MAML3: variants seen among roughly 807,000 people sequenced by gnomAD.
The protein encoded by MAML3 is mastermind like transcriptional coactivator 3.
A neutral mutation model predicts 101.9 loss-of-function variants in MAML3; 27 were observed. The ratio of observed to expected loss-of-function variants is 0.27; its 90% CI spans 0.20 to 0.37. The LOEUF (loss-of-function observed/expected upper bound fraction) is 0.37, where lower values mean the gene tolerates loss of function less well. MAML3 is among the 10% of genes least tolerant of loss of function. The pLI is 1.00. For synonymous variants in MAML3, 501 were observed against 555.9 expected (o/e 0.90, Z 1.39); for missense variants, 1,316 against 1,444.9 (o/e 0.91, Z 1.45).
intron 2 of MAML3, among the ~76,000 whole-genome samples, chr4:139,823,949 C>T (rs1196228208): frequency 6.6e-6 from 1 of 152,032 alleles, no homozygotes; most frequent in Admixed American, 6.6e-5. Flanking sequence ...GAAATATTTA[C>T]CCTCACCCCA....
chr4:140,075,649 A>T (rs1253978767), intron 1 of MAML3, among the ~76,000 whole-genome samples: 1 of 151,664 alleles, frequency 6.6e-6, no homozygotes, highest in Non-Finnish European at 1.5e-5. Context: ...CAATCCTCCC[A>T]CCTCAGCCTC....
intron 1 of MAML3, among the ~76,000 whole-genome samples, chr4:139,936,837 A>G (rs1327020596): frequency 6.6e-6 from 1 of 152,208 alleles, no homozygotes; most frequent in Admixed American, 6.5e-5. Flanking sequence ...CCCCCCTGAA[A>G]GAAAGTCCTA....
chr4:140,038,122 G>T (rs1727019203), intron 1 of MAML3, among the ~76,000 whole-genome samples: 1 of 152,212 alleles, frequency 6.6e-6, no homozygotes, highest in South Asian at 2.1e-4. Context: ...TTCTACATGG[G>T]TGAAGAAGAG....
At chr4:140,152,807 CA>C in intron 1 of MAML3, 52 bp downstream of exon 1, 7 of 1,569,958 alleles carry the variant, frequency 4.5e-6, no homozygotes, top group South Asian at 1.2e-5. Flanking sequence ...CGCCCCCCAC[CA>C]CCACCACCAC....
intron 1 of MAML3, among the ~76,000 whole-genome samples, chr4:139,986,776 C>G (rs1734547464): frequency 6.6e-6 from 1 of 152,132 alleles, no homozygotes; most frequent in Non-Finnish European, 1.5e-5. Flanking sequence ...CTGGTTAACG[C>G]AGGAAACACA....
chr4:139,890,780 T>G lies in MAML3; in HGVS notation c.656A>C (p.His219Pro), dbSNP rs201871270. ...CAAAGAAGGTTTCAGGTCAAGTTGG[T>G]GAAGAGGAGAAGCTGAAGGCAGTGG... ...NMPLPSASPL[H>P]QLDLKPSLPL... Residue 219 changes from histidine (H) to proline (P), a missense_variant, in exon 2 of 5, where the codon CAC (histidine) becomes CCC (proline). His to Pro is a moderately conservative substitution (Grantham distance 77, BLOSUM62 -2). Coordinates refer to ENST00000509479, the MANE Select transcript of MAML3 (RefSeq NM_018717.5). The surrounding 1 kb of genome is among the most constrained non-coding windows in gnomAD (Gnocchi z 4.1). 60 of 1,613,850 alleles carry G rather than the reference T, an allele frequency of 3.7e-5. No individual in the cohort carries two copies. Among genetic ancestry groups the G allele is most frequent in the Non-Finnish European group, 4.2e-5 (50 of 1,179,886 alleles).
intron 2 of MAML3, among the ~76,000 whole-genome samples, chr4:139,766,994 C>T (rs527743892): frequency 6.7e-6 from 1 of 150,310 alleles, no homozygotes; most frequent in Admixed American, 6.6e-5. Context: ...ACAAAAATAC[C>T]TTATCTACAC....
In MAML3 at chr4:139,964,590, C is replaced by A. The variant is rs184758927; in HGVS notation, c.469-73623G>T. 5.6e-3 allele frequency among the ~76,000 whole-genome samples: 846 copies of A among 152,116 alleles called. 6 individuals are homozygous for A. The highest frequency in any genetic ancestry group is 0.017 in the African/African-American group (706 of 41,492). ...AAAGAAAAACAAAAATTAAAAAAAA[C>A]CATATTTTTTACAATTTGTGGTAAC... On this transcript the variant is annotated intron_variant, in intron 1 of 4. Transcript: ENST00000509479.
intron 1 of MAML3, among the ~76,000 whole-genome samples, chr4:140,140,984 T>C (rs1419065324): frequency 2.6e-5 from 4 of 152,148 alleles, no homozygotes; most frequent in Non-Finnish European, 5.9e-5. Flanking sequence ...GAAAGTCAAA[T>C]AGATGAGAAC....
At chr4:140,095,415 C>T (rs1483466868) in intron 1 of MAML3, among the ~76,000 whole-genome samples, 1 of 152,142 alleles carries the variant, frequency 6.6e-6, no homozygotes, top group Non-Finnish European at 1.5e-5. Context: ...ACTTGACCCC[C>T]AATTGGCAAC....
At chr4:139,892,568 T>C (rs1050655895) in intron 1 of MAML3, among the ~76,000 whole-genome samples, 24 of 149,242 alleles carry the variant, frequency 1.6e-4, no homozygotes, top group Non-Finnish European at 3.1e-4. Context: ...TGTTTTGTGT[T>C]CCCTGAATCT....
intron 1 of MAML3, among the ~76,000 whole-genome samples, chr4:140,129,694 C>T (rs1172693229): frequency 1.3e-5 from 2 of 152,108 alleles, no homozygotes; most frequent in East Asian, 1.9e-4. Flanking sequence ...CGGCCGGGCG[C>T]GGTGGCTCAT....
chr4:139,734,279 A>G (rs1320982276), intron 2 of MAML3, among the ~76,000 whole-genome samples: 1 of 152,222 alleles, frequency 6.6e-6, no homozygotes, highest in Non-Finnish European at 1.5e-5. Context: ...AAGGACACAC[A>G]CTGTGTTGTG....
At chr4:139,871,075 G>T (rs925099727) in intron 2 of MAML3, among the ~76,000 whole-genome samples, 4 of 152,034 alleles carry the variant, frequency 2.6e-5, no homozygotes, top group Admixed American at 2.0e-4. Flanking sequence ...TTTCTTGTGT[G>T]CTTATCATTT....
At chr4:139,861,061 T>C (rs1339233736) in intron 2 of MAML3, among the ~76,000 whole-genome samples, 1 of 152,110 alleles carries the variant, frequency 6.6e-6, no homozygotes, top group Non-Finnish European at 1.5e-5. Flanking sequence ...TACTAAAAGA[T>C]GAGACCTTCC....
chr4:139,748,355 C>T (rs1729391417), intron 2 of MAML3, among the ~76,000 whole-genome samples: 1 of 152,118 alleles, frequency 6.6e-6, no homozygotes, highest in Admixed American at 6.5e-5. Flanking sequence ...GCTCACACCC[C>T]AAAACAGAGT....
chr4:140,035,158 G>A (rs1025740148), intron 1 of MAML3, among the ~76,000 whole-genome samples: 4 of 152,048 alleles, frequency 2.6e-5, no homozygotes, highest in African/African-American at 9.7e-5. Flanking sequence ...ATTTTTAGTT[G>A]AGACAGGGTT....
At chr4:139,844,932 TATC>T (rs1383481787) in intron 2 of MAML3, among the ~76,000 whole-genome samples, 3 of 152,334 alleles carry the variant, frequency 2.0e-5, no homozygotes, top group African/African-American at 7.2e-5. Flanking sequence ...TTCCTTTTGA[TATC>T]ATCAATATGG....
intron 1 of MAML3, among the ~76,000 whole-genome samples, chr4:139,895,219 G>A (rs559730954): frequency 4.6e-5 from 7 of 152,318 alleles, no homozygotes; most frequent in Non-Finnish European, 7.3e-5. Context: ...GAGTTAGAAA[G>A]CTTGAGTTCA....
Sources: allele counts gnomAD v4.1 joint callset (sites outside exome capture counted in the v4.1 genomes callset), GRCh38; gene constraint gnomAD v4.1.1; non-coding constraint Gnocchi (gnomAD v3.1); transcripts MANE v1.5; gene names NCBI Gene and HGNC (gene_info 2026-07-23, HGNC 2026-07-21).